DCC: variants seen among roughly 807,000 people sequenced by gnomAD.
DCC encodes the protein netrin receptor DCC.
Under a neutral mutation model 172.5 loss-of-function variants are expected in DCC, and 58 were observed. The ratio of observed to expected loss-of-function variants is 0.34; its 90% CI spans 0.27 to 0.42. The LOEUF (loss-of-function observed/expected upper bound fraction) is 0.42, where lower values mean the gene tolerates loss of function less well. Ranked by LOEUF, DCC falls within the 10% of genes least tolerant of loss-of-function variation. The pLI is 1.00. For synonymous variants in DCC, 709 were observed against 644.5 expected (o/e 1.10, Z -1.52); for missense variants, 1,740 against 1,791.0 (o/e 0.97, Z 0.51).
intron 2 of DCC, among the ~76,000 whole-genome samples, chr18:52,791,302 AAGG>A (rs2037763366): frequency 6.6e-6 from 1 of 152,204 alleles, no homozygotes; most frequent in African/African-American, 2.4e-5. Flanking sequence ...CTCAGGGTGA[AAGG>A]AGTTCCAGTG....
At chr18:52,427,377 A>T (rs1397346795) in intron 1 of DCC, among the ~76,000 whole-genome samples, 6 of 152,004 alleles carry the variant, frequency 3.9e-5, no homozygotes, top group Admixed American at 6.6e-5. Flanking sequence ...TTTTTTTAAA[A>T]TCTTTTAAGA....
rs1397504214 is a variant in DCC at position 53,535,798 on chromosome 18, G to A, written c.*5145G>A. ...TTGTATACTACTACACAAGGAAAAG[G>A]GGGTTTTGTAAACACTGTAGAACAG... On this transcript the variant is annotated 3_prime_UTR_variant, in exon 29 of 29. Transcript: ENST00000442544. 1.3e-5 allele frequency: 2 copies of A among 151,684 alleles called. No homozygotes were observed. The highest frequency in any genetic ancestry group is 2.9e-5 in the Non-Finnish European group (2 of 67,818). 9.4% of individuals were successfully genotyped at this position (151,684 alleles called of 1,614,324 possible). A position where few individuals can be genotyped will look rare whatever the true frequency, so the allele number is the denominator to read the frequency against.
chr18:52,619,925 A>T (rs2034449975), intron 1 of DCC, among the ~76,000 whole-genome samples: 1 of 152,192 alleles, frequency 6.6e-6, no homozygotes, highest in African/African-American at 2.4e-5. Flanking sequence ...CTAGGACTTG[A>T]TTATTAAAAT....
chr18:52,950,425 G>A (rs2040619423), intron 5 of DCC, among the ~76,000 whole-genome samples: 2 of 152,232 alleles, frequency 1.3e-5, no homozygotes, highest in African/African-American at 4.8e-5. Flanking sequence ...CTGAGCATCA[G>A]CACTCTGACA....
intron 1 of DCC, among the ~76,000 whole-genome samples, chr18:52,461,641 C>G (rs1410793155): frequency 6.6e-6 from 1 of 152,122 alleles, no homozygotes; most frequent in Non-Finnish European, 1.5e-5. Flanking sequence ...TTTTTCAGTT[C>G]TTGTATAACC....
At chr18:52,856,097 A>C (rs16955732) in intron 2 of DCC, among the ~76,000 whole-genome samples, 3,185 of 152,016 alleles carry the variant, frequency 0.021, 59 homozygotes, top group Admixed American at 0.04. Flanking sequence ...TGGCTTGTTT[A>C]ATAATGAATA....
chr18:53,196,747 T>A (rs1251991127), intron 9 of DCC, among the ~76,000 whole-genome samples: 1 of 152,146 alleles, frequency 6.6e-6, no homozygotes, highest in African/African-American at 2.4e-5. Flanking sequence ...ACATACGTAA[T>A]GGCGCAGTTT....
At chr18:53,218,692 G>A (rs1434403209) in intron 12 of DCC, among the ~76,000 whole-genome samples, 1 of 152,022 alleles carries the variant, frequency 6.6e-6, no homozygotes, top group East Asian at 1.9e-4. Context: ...TTTGTTACAA[G>A]AAATAGTATC....
chr18:52,461,812 C>T (rs1453574695), intron 1 of DCC, among the ~76,000 whole-genome samples: 5 of 152,236 alleles, frequency 3.3e-5, no homozygotes, highest in South Asian at 2.1e-4. Context: ...TAAGATACTC[C>T]GATTTTTATC....
At chr18:52,507,018 A>C (rs2031253735) in intron 1 of DCC, among the ~76,000 whole-genome samples, 1 of 152,190 alleles carries the variant, frequency 6.6e-6, no homozygotes, top group Admixed American at 6.5e-5. Context: ...GAGCTTTGGA[A>C]TGAATCCAAA....
At chr18:53,415,260 A>G (rs1910241377) in intron 20 of DCC, among the ~76,000 whole-genome samples, 1 of 152,206 alleles carries the variant, frequency 6.6e-6, no homozygotes, top group Non-Finnish European at 1.5e-5. Context: ...ATATACAGGA[A>G]GCAATCGGCA....
In DCC at chr18:52,868,574, A is replaced by G. The variant is rs558236407; in HGVS notation, c.413-37470A>G. Among the ~76,000 whole-genome samples, 7 of 152,340 alleles carry G rather than the reference A, an allele frequency of 4.6e-5. No individual in the cohort carries two copies. In the East Asian group the frequency reaches 7.7e-4, roughly 17 times the overall value. Reference sequence around the variant, plus strand: ...CTTTGCTCATTCCTAGGCATGGACCAAGCTAATTTGGGAAGAAATTTAGTT... The same window carrying G: ...CTTTGCTCATTCCTAGGCATGGACCGAGCTAATTTGGGAAGAAATTTAGTT... On this transcript the variant is annotated intron_variant, in intron 2 of 28. Transcript: ENST00000442544.
rs374129823 is a variant in DCC, at chr18:52,783,323, C to CTTTTTTTTTTTTTTTTTTTT, written c.412+30968_412+30987dup. 2.5e-4 allele frequency among the ~76,000 whole-genome samples: 15 copies of CTTTTTTTTTTTTTTTTTTTT among 59,256 alleles called. 2 individuals are homozygous for CTTTTTTTTTTTTTTTTTTTT. Among genetic ancestry groups the CTTTTTTTTTTTTTTTTTTTT allele is most frequent in the African/African-American group, 3.2e-4 (4 of 12,488 alleles). 38.9% of individuals were successfully genotyped at this position (59,256 alleles called of 152,430 possible). A position where few individuals can be genotyped will look rare whatever the true frequency, so the allele number is the denominator to read the frequency against. ...ACTAAAAATAATTTATACTACTACT[C>CTTTTTTTTTTTTTTTTTTTT]TTTTTTTTTTTTTTTTTTTTTTTTT... On this transcript the variant is annotated intron_variant, in intron 2 of 28. Coordinates refer to ENST00000442544, the MANE Select transcript of DCC (RefSeq NM_005215.4).
chr18:53,319,298 A>G (rs1370910835), intron 13 of DCC, among the ~76,000 whole-genome samples: 1 of 152,318 alleles, frequency 6.6e-6, no homozygotes, highest in South Asian at 2.1e-4. Flanking sequence ...AAATGCCCCA[A>G]TTAAAATATA....
At chr18:53,431,151 T>G (rs1446387682) in intron 21 of DCC, among the ~76,000 whole-genome samples, 3 of 152,082 alleles carry the variant, frequency 2.0e-5, no homozygotes, top group Non-Finnish European at 4.4e-5. Context: ...CTCCCTCTGT[T>G]TTAACTCAGC....
intron 2 of DCC, among the ~76,000 whole-genome samples, chr18:52,887,080 A>T (rs563997834): frequency 6.6e-6 from 1 of 152,298 alleles, no homozygotes; most frequent in East Asian, 1.9e-4. Context: ...TGGTAAATGC[A>T]TATGAGAACA....
intron 1 of DCC, among the ~76,000 whole-genome samples, chr18:52,545,579 A>G (rs1315093000): frequency 6.6e-6 from 1 of 152,216 alleles, no homozygotes; most frequent in Non-Finnish European, 1.5e-5. Flanking sequence ...ATGAACATTG[A>G]AGGAAATAGT....
chr18:53,366,290 T>C (rs1568085172), intron 15 of DCC, among the ~76,000 whole-genome samples: 1 of 152,076 alleles, frequency 6.6e-6, no homozygotes, highest in African/African-American at 2.4e-5. Flanking sequence ...TCAGGTGATC[T>C]GCCCGACTCA....
intron 1 of DCC, among the ~76,000 whole-genome samples, chr18:52,741,975 C>T (rs1233714432): frequency 2.6e-5 from 4 of 152,048 alleles, no homozygotes; most frequent in Admixed American, 2.0e-4. Context: ...AGGTAAGTCC[C>T]CCATGATAGG....
Sources: allele counts gnomAD v4.1 joint callset (sites outside exome capture counted in the v4.1 genomes callset), GRCh38; gene constraint gnomAD v4.1.1; transcripts MANE v1.5; gene names NCBI Gene and HGNC (gene_info 2026-07-23, HGNC 2026-07-21).